SLC13A3: variants seen among roughly 807,000 people sequenced by gnomAD.
SLC13A3 encodes the protein solute carrier family 13 member 3, also known as Na(+)/dicarboxylate cotransporter 3.
SLC13A3 carries 40 observed loss-of-function variants against 59.0 expected under a neutral mutation model. That is an observed-to-expected ratio of 0.68 (90% CI 0.53 to 0.88). SLC13A3 has a LOEUF of 0.88. Ranked by LOEUF, SLC13A3 falls within the 40% of genes least tolerant of loss-of-function variation. The pLI is 0.00. For missense variants in SLC13A3, 699 were observed against 783.2 expected, an observed-to-expected ratio of 0.89 and a Z score of 1.28; for synonymous variants, 317 against 330.3, an observed-to-expected ratio of 0.96 and a Z score of 0.44.
At chr20:46,568,055 G>C (rs2061995402) in intron 10 of SLC13A3, among the ~76,000 whole-genome samples, 1 of 151,992 alleles carries the variant, frequency 6.6e-6, no homozygotes, top group Non-Finnish European at 1.5e-5. Context: ...TAATAGAAAA[G>C]TCCCTGCTTA....
At chr20:46,610,932 C>T (rs2062487987) in intron 2 of SLC13A3, among the ~76,000 whole-genome samples, 1 of 151,720 alleles carries the variant, frequency 6.6e-6, no homozygotes, top group African/African-American at 2.4e-5. Context: ...CACTATCTTT[C>T]CCTCATGGCC....
intron 1 of SLC13A3, among the ~76,000 whole-genome samples, chr20:46,681,249 C>T (rs984029536): frequency 3.3e-5 from 5 of 152,234 alleles, no homozygotes; most frequent in African/African-American, 4.8e-5. Flanking sequence ...TAGACATCCT[C>T]ACGTCCGTCT....
At position 46,613,551 on chromosome 20, in the gene SLC13A3, C is replaced by T; in HGVS notation, c.286G>A (p.Gly96Arg). The T allele has an allele frequency of 6.2e-7, 1 of 1,614,110 alleles. No homozygotes were observed. The highest frequency in any genetic ancestry group is 8.5e-7 in the Non-Finnish European group (1 of 1,180,008). ...FLDTNFLFLS[G>R]LIMASAIEEW... ...TCAATGGCGCTGGCCATGATCAGCC[C>T]ACTGAGGAAGAGGAAGTTGGTGTCG... is the stretch of plus-strand genomic sequence containing the variant. The change falls in exon 2 of 13, where the codon GGG becomes AGG. Residue 96 changes from glycine (G) to arginine (R), a missense_variant. Coordinates refer to ENST00000279027, the MANE Select transcript of SLC13A3 (RefSeq NM_022829.6).
intron 4 of SLC13A3, among the ~76,000 whole-genome samples, chr20:46,598,642 A>G (rs2062340647): frequency 1.3e-5 from 2 of 152,162 alleles, no homozygotes; most frequent in Admixed American, 6.5e-5. Context: ...GCCCCCAAAC[A>G]TGGTGCCAAG....
At chr20:46,609,833 A>T (rs184755769) in intron 3 of SLC13A3, among the ~76,000 whole-genome samples, 104 of 152,332 alleles carry the variant, frequency 6.8e-4, no homozygotes, top group African/African-American at 2.4e-3. Flanking sequence ...CGCTACAGTG[A>T]ATATCACTAT....
intron 1 of SLC13A3, among the ~76,000 whole-genome samples, chr20:46,649,545 T>A (rs972776227): frequency 6.6e-6 from 1 of 152,164 alleles, no homozygotes; most frequent in Non-Finnish European, 1.5e-5. Flanking sequence ...GCTCTGCCTA[T>A]GGCCTCGCAG....
chr20:46,675,784 T>C (rs1469539150), intron 1 of SLC13A3, among the ~76,000 whole-genome samples: 1 of 151,962 alleles, frequency 6.6e-6, no homozygotes, highest in African/African-American at 2.4e-5. Flanking sequence ...CTGGGCTGTG[T>C]GGAAACAGTG....
chr20:46,626,952 G>A (rs1281460304), intron 1 of SLC13A3, among the ~76,000 whole-genome samples: 4 of 137,980 alleles, frequency 2.9e-5, no homozygotes, highest in African/African-American at 8.1e-5. Context: ...CACTTCAAAG[G>A]TCTCCCCTCC....
rs1183635948 is a variant in SLC13A3, at chr20:46,575,805, A to G, written c.1220-120T>C. 4 of 524,136 alleles carry G rather than the reference A, an allele frequency of 7.6e-6. No individual in the cohort carries two copies. The African/African-American group carries it at 7.9e-5, about 10-fold the overall frequency. 32.5% of individuals were successfully genotyped at this position (524,136 alleles called of 1,614,324 possible). Reference sequence around the variant, plus strand: ...GGGTCCCCAGGAAGCCAAAGTGTGGATCCAGCATTTGACTTGGAGCTTTAG... The same window carrying G: ...GGGTCCCCAGGAAGCCAAAGTGTGGGTCCAGCATTTGACTTGGAGCTTTAG... On this transcript the variant is annotated intron_variant, in intron 9 of 12. Coordinates refer to ENST00000279027, the MANE Select transcript of SLC13A3 (RefSeq NM_022829.6).
chr20:46,559,957 T>C lies in SLC13A3; in HGVS notation c.*65A>G, dbSNP rs772719565. On this transcript the variant is annotated 3_prime_UTR_variant, in exon 13 of 13. Coordinates refer to ENST00000279027, the MANE Select transcript of SLC13A3 (RefSeq NM_022829.6). ...ATTATTTGATTGTTTTGTAGTGTCC[T>C]AGCAGCAGGTGATGGTGACAGCCCT... 6.4e-5 allele frequency: 94 copies of C among 1,479,362 alleles called. No individual in the cohort carries two copies. The highest frequency in any genetic ancestry group is 8.4e-5 in the Non-Finnish European group (89 of 1,065,306). 91.6% of individuals were successfully genotyped at this position (1,479,362 alleles called of 1,614,324 possible).
chr20:46,651,552 A>T, upstream of SLC13A3: 1 of 1,316,276 alleles, frequency 7.6e-7, no homozygotes, highest in Non-Finnish European at 9.6e-7. Flanking sequence ...CTCCTCCTGG[A>T]GGAAAAGGGT....
chr20:46,584,169 A>C, intron 8 of SLC13A3: 7 of 985,348 alleles, frequency 7.1e-6, no homozygotes, highest in Non-Finnish European at 8.4e-6. Flanking sequence ...AAGCATCCAC[A>C]ATGTGTCCTT....
chr20:46,637,267 C>A, intron 1 of SLC13A3, among the ~76,000 whole-genome samples: 1 of 141,988 alleles, frequency 7.0e-6, no homozygotes, highest in East Asian at 2.2e-4. Flanking sequence ...TGTTTCCAAG[C>A]CCCTTTTGAC....
In SLC13A3 at chr20:46,651,427, C is replaced by G; in HGVS notation, c.-6G>C. ...GCTGCTGCCAGCGCCGCCATCAGCG[C>G]GATCGCCTGGCGGTACGGGCCGGCC... On this transcript the variant is annotated 5_prime_UTR_variant, in exon 1 of 13. Coordinates refer to ENST00000279027, the MANE Select transcript of SLC13A3 (RefSeq NM_022829.6). 6.8e-7 allele frequency: 1 copy of G among 1,477,928 alleles called. No homozygotes were observed. The highest frequency in any genetic ancestry group is 8.9e-7 in the Non-Finnish European group (1 of 1,121,028). 91.6% of individuals were successfully genotyped at this position (1,477,928 alleles called of 1,614,324 possible).
intron 1 of SLC13A3, among the ~76,000 whole-genome samples, chr20:46,645,564 C>T (rs969014051): frequency 1.3e-5 from 2 of 152,240 alleles, no homozygotes; most frequent in Non-Finnish European, 2.9e-5. Context: ...AAAAAGCCAA[C>T]TCCAGAAGAC....
chr20:46,637,556 A>G (rs911532858), intron 1 of SLC13A3, among the ~76,000 whole-genome samples: 5 of 152,024 alleles, frequency 3.3e-5, no homozygotes, highest in Admixed American at 3.3e-4. Context: ...GCCCTTCCAG[A>G]CCCCAGGGCC....
intron 10 of SLC13A3, among the ~76,000 whole-genome samples, chr20:46,570,401 C>G (rs182636867): frequency 1.3e-5 from 2 of 152,146 alleles, no homozygotes; most frequent in African/African-American, 4.8e-5. Flanking sequence ...AAGCCCATCA[C>G]GAATTGAGAA....
In SLC13A3 at chr20:46,566,381, GC is replaced by G; in HGVS notation, c.1341del (p.Leu448CysfsTer55). 1 of 1,612,352 alleles carries G rather than the reference GC, an allele frequency of 6.2e-7. No homozygotes were observed. Among genetic ancestry groups the G allele is most frequent in the South Asian group, 1.1e-5 (1 of 90,948 alleles). On this transcript the variant is annotated frameshift_variant, in exon 11 of 13. Coordinates refer to ENST00000279027, the MANE Select transcript of SLC13A3 (RefSeq NM_022829.6). LOFTEE classifies it high-confidence loss of function. The stretch of plus-strand genomic sequence containing the variant: ...AGCTGCCCACCAATCCATACAGACA[GC>G]CCCGATTCCTGCGGAGGGAAAGGCA... ...FAMAKGCEESGLSVWIGGQLH... is the reference protein window; with the variant it reads ...FAMAKGCEESXLSVWIGGQLH...
At chr20:46,571,112 C>A (rs1220214076) in intron 10 of SLC13A3, among the ~76,000 whole-genome samples, 1 of 152,160 alleles carries the variant, frequency 6.6e-6, no homozygotes, top group Non-Finnish European at 1.5e-5. Context: ...AAAAAATCAT[C>A]AGATCTCTTG....
Sources: gnomAD v4.1 joint callset for allele counts (sites outside exome capture counted in the v4.1 genomes callset) on GRCh38, gnomAD v4.1.1 for gene constraint, MANE v1.5 for transcripts, NCBI Gene and HGNC (gene_info 2026-07-23, HGNC 2026-07-21) for gene names.